The following ZCCHC7 variants were observed in gnomAD, a reference collection of about 807,000 sequenced individuals.
ZCCHC7 encodes zinc finger CCHC domain-containing protein 7.
Under a neutral mutation model 52.0 loss-of-function variants are expected in ZCCHC7, and 35 were observed. The observed-to-expected ratio is 0.67, with a 90% confidence interval of 0.51 to 0.89. The LOEUF (loss-of-function observed/expected upper bound fraction) is 0.89, where lower values mean the gene tolerates loss of function less well. Among genes scored for constraint, ZCCHC7 ranks in the 40% least tolerant of loss-of-function variants. The probability of loss-of-function intolerance (pLI) is 0.00; values close to 1 mark genes in which losing one functional copy is unlikely to be tolerated. For synonymous variants in ZCCHC7, 217 were observed against 221.5 expected (o/e 0.98, Z 0.18); for missense variants, 574 against 649.1 (o/e 0.88, Z 1.26).
intron 2 of ZCCHC7, among the ~76,000 whole-genome samples, chr9:37,130,812 TG>T (rs1032158893): frequency 1.3e-5 from 2 of 151,756 alleles, no homozygotes; most frequent in Admixed American, 1.3e-4. Flanking sequence ...CTCTTAACCA[TG>T]GGAGTTAAGT....
rs527718793 is a variant in ZCCHC7, at chr9:37,311,675, G to A, written c.951+5961G>A. Among the ~76,000 whole-genome samples, 31 of 152,294 alleles carry A rather than the reference G, an allele frequency of 2.0e-4. No homozygotes were observed. The South Asian group carries it at 3.7e-3, about 18-fold the overall frequency. On this transcript the variant is annotated intron_variant, in intron 5 of 8. Coordinates refer to ENST00000336755, the MANE Select transcript of ZCCHC7 (RefSeq NM_032226.3). ...TCTGCCCGCCTTGGCCTCCCAAAGC[G>A]CTGGGGTTAACAGGCGTGAGCTACT... is the stretch of plus-strand genomic sequence containing the variant.
intron 2 of ZCCHC7, among the ~76,000 whole-genome samples, chr9:37,161,776 T>C (rs1367684434): frequency 6.6e-6 from 1 of 152,200 alleles, no homozygotes; most frequent in Non-Finnish European, 1.5e-5. Flanking sequence ...ACTCCTTTAG[T>C]TGGAAGATCA....
intron 2 of ZCCHC7, among the ~76,000 whole-genome samples, chr9:37,215,628 T>C (rs1465705062): frequency 1.3e-5 from 2 of 152,162 alleles, no homozygotes; most frequent in African/African-American, 2.4e-5. Context: ...ATGAGGCCAG[T>C]GGGAGCAGCA....
chr9:37,282,960 T>G (rs1175418045), intron 2 of ZCCHC7, among the ~76,000 whole-genome samples: 6 of 99,872 alleles, frequency 6.0e-5, no homozygotes, highest in Admixed American at 2.7e-4. Context: ...CAGATGGAGA[T>G]GTGGGGTGGG....
At chr9:37,218,099 AT>A (rs1824606749) in intron 2 of ZCCHC7, among the ~76,000 whole-genome samples, 1 of 152,238 alleles carries the variant, frequency 6.6e-6, no homozygotes, top group Non-Finnish European at 1.5e-5. Context: ...ATTTAGGGCC[AT>A]TAAATTCCTA....
rs1379497143 is a variant in ZCCHC7 at position 37,238,523 on chromosome 9, A to C, written c.611-63665A>C. ...AGAAAATGGAAGAAGAAACCTTAGTAAATAAGTTTTTTTTGTGTTACCGAG... is the reference window on the plus strand; with the variant it reads ...AGAAAATGGAAGAAGAAACCTTAGTCAATAAGTTTTTTTTGTGTTACCGAG... On this transcript the variant is annotated intron_variant, in intron 2 of 8. Transcript: ENST00000336755. Among the ~76,000 whole-genome samples the C allele has an allele frequency of 2.0e-5, 3 of 152,178 alleles. 1 individual carries two copies.
chr9:37,313,478 T>G (rs182087843), intron 5 of ZCCHC7, among the ~76,000 whole-genome samples: 6 of 152,228 alleles, frequency 3.9e-5, no homozygotes, highest in Non-Finnish European at 4.4e-5. Context: ...ATCTGAAATT[T>G]TCATGGTTGC....
intron 2 of ZCCHC7, among the ~76,000 whole-genome samples, chr9:37,270,638 C>T (rs1313787720): frequency 4.7e-5 from 7 of 150,468 alleles, no homozygotes; most frequent in Admixed American, 1.3e-4. Flanking sequence ...GCCAAGATCG[C>T]GTCACTGCAC....
intron 5 of ZCCHC7, among the ~76,000 whole-genome samples, chr9:37,312,638 C>G (rs753640525): frequency 4.3e-4 from 66 of 152,308 alleles, no homozygotes; most frequent in Admixed American, 5.9e-4. Context: ...ATATAGAGGG[C>G]TGGGCGCAGT....
At chr9:37,249,454 TCC>T (rs1826216918) in intron 2 of ZCCHC7, among the ~76,000 whole-genome samples, 3 of 130,840 alleles carry the variant, frequency 2.3e-5, no homozygotes, top group East Asian at 2.0e-4. Context: ...TTCTTCTTCT[TCC>T]TTTTTTTTTT....
intron 2 of ZCCHC7, among the ~76,000 whole-genome samples, chr9:37,149,700 A>G (rs1430830067): frequency 6.6e-6 from 1 of 152,132 alleles, no homozygotes; most frequent in Admixed American, 6.5e-5. Flanking sequence ...CTACTTTAGG[A>G]TAATATTTTA....
At chr9:37,237,021 C>G (rs1281171673) in intron 2 of ZCCHC7, among the ~76,000 whole-genome samples, 1 of 152,100 alleles carries the variant, frequency 6.6e-6, no homozygotes, top group African/African-American at 2.4e-5. Flanking sequence ...TATTTCAGTT[C>G]CTTCTACGCT....
At chr9:37,334,668 G>A (rs771871085) in intron 6 of ZCCHC7, among the ~76,000 whole-genome samples, 1 of 151,968 alleles carries the variant, frequency 6.6e-6, no homozygotes, top group Admixed American at 6.6e-5. Flanking sequence ...AGGGTGTTAT[G>A]TGTGGGTTTT....
chr9:37,311,348 G>A (rs561797361), intron 5 of ZCCHC7, among the ~76,000 whole-genome samples: 1 of 152,258 alleles, frequency 6.6e-6, no homozygotes, highest in South Asian at 2.1e-4. Flanking sequence ...AACTGTTAAA[G>A]TCTGATTTTT....
rs752617877 is a variant in ZCCHC7 at position 37,126,670 on chromosome 9, A to G, written c.338A>G (p.Gln113Arg). 1 of 1,614,196 alleles carries G rather than the reference A, an allele frequency of 6.2e-7. No individual in the cohort carries two copies. Among genetic ancestry groups the G allele is most frequent in the East Asian group, 2.2e-5 (1 of 44,874 alleles). ...CKGKNVRVQA[Q>R]ENAHGLSSSL... ...GGAAAGAATGTTAGAGTTCAAGCAC[A>G]AGAAAATGCCCATGGTCTTTCTTCT... The change falls in exon 2 of 9, where the codon CAA (glutamine) becomes CGA (arginine). Residue 113 changes from glutamine (Q) to arginine (R), a missense_variant. Around this residue, in one of 3 missense-constraint regions of ZCCHC7, gnomAD observed 403 missense variants for 461.2 expected, o/e 0.87. Transcript: ENST00000336755.
intron 2 of ZCCHC7, among the ~76,000 whole-genome samples, chr9:37,129,368 A>T (rs1356432808): frequency 6.6e-6 from 1 of 152,240 alleles, no homozygotes; most frequent in South Asian, 2.1e-4. Context: ...AAATTAATTT[A>T]CTTGACTCTT....
chr9:37,295,041 G>A (rs2133655414), intron 2 of ZCCHC7, among the ~76,000 whole-genome samples: 1 of 152,302 alleles, frequency 6.6e-6, no homozygotes, highest in South Asian at 2.1e-4. Context: ...ATGCTTTGAT[G>A]TTTGGAAGAT....
At chr9:37,353,866 G>T (rs1200809883) in intron 7 of ZCCHC7, among the ~76,000 whole-genome samples, 1 of 152,024 alleles carries the variant, frequency 6.6e-6, no homozygotes, top group African/African-American at 2.4e-5. Flanking sequence ...TAACTTTTAG[G>T]CAAGATGGCA....
intron 2 of ZCCHC7, among the ~76,000 whole-genome samples, chr9:37,157,492 A>G (rs947973499): frequency 6.6e-6 from 1 of 151,822 alleles, no homozygotes; most frequent in Non-Finnish European, 1.5e-5. Context: ...ACCTTGTCTC[A>G]AAAAAAAGAA....
Sources: gnomAD v4.1 joint callset for allele counts (sites outside exome capture counted in the v4.1 genomes callset) on GRCh38, gnomAD v4.1.1 for gene constraint, gnomAD v4.1.1 regional missense constraint, MANE v1.5 for transcripts, NCBI Gene and HGNC (gene_info 2026-07-23, HGNC 2026-07-21) for gene names.